TP53BP2: variants seen among roughly 807,000 people sequenced by gnomAD.
The protein encoded by TP53BP2 is tumor protein p53 binding protein 2.
In TP53BP2, 62 loss-of-function variants were observed where a neutral mutation model predicts 126.2. That is an observed-to-expected ratio of 0.49 (90% CI 0.40 to 0.61). The LOEUF (loss-of-function observed/expected upper bound fraction) is 0.61. TP53BP2 is among the 20% of genes least tolerant of loss of function. The pLI, the probability that TP53BP2 is intolerant of heterozygous loss-of-function variation, is 0.00. For synonymous variants in TP53BP2, 485 were observed against 502.9 expected, an observed-to-expected ratio of 0.96 and a Z score of 0.48; for missense variants, 1,215 against 1,402.8, an observed-to-expected ratio of 0.87 and a Z score of 2.14.
chr1:223,813,076 T>C (rs1357337569), intron 3 of TP53BP2, among the ~76,000 whole-genome samples: 1 of 152,178 alleles, frequency 6.6e-6, no homozygotes, highest in African/African-American at 2.4e-5. Context: ...CAGGGATGGC[T>C]GTGTCCCCAG....
At chr1:223,797,706 C>T (rs1662375894) in intron 12 of TP53BP2, among the ~76,000 whole-genome samples, 2 of 151,994 alleles carry the variant, frequency 1.3e-5, no homozygotes, top group Non-Finnish European at 2.9e-5. Context: ...CCACTGCGCC[C>T]AGCCACAGTT....
intron 2 of TP53BP2, among the ~76,000 whole-genome samples, chr1:223,818,502 C>CAAAAAA (rs60296469): frequency 1.1e-5 from 1 of 88,220 alleles, no homozygotes. Flanking sequence ...GACTCCATCT[C>CAAAAAA]AAAAAAAAAA....
intron 16 of TP53BP2, among the ~76,000 whole-genome samples, chr1:223,786,667 C>T (rs1281245410): frequency 2.0e-5 from 3 of 151,204 alleles, no homozygotes; most frequent in Non-Finnish European, 2.9e-5. Context: ...AGTGCAGTGG[C>T]GTGATCTCAG....
At chr1:223,792,859 A>G (rs1457809782) in intron 14 of TP53BP2, among the ~76,000 whole-genome samples, 1 of 133,380 alleles carries the variant, frequency 7.5e-6, no homozygotes, top group Non-Finnish European at 1.6e-5. Flanking sequence ...TTTGCTATGG[A>G]AAGCAAAAAA....
intron 1 of TP53BP2, among the ~76,000 whole-genome samples, chr1:223,832,879 G>C (rs1214274536): frequency 6.6e-6 from 1 of 152,164 alleles, no homozygotes; most frequent in Non-Finnish European, 1.5e-5. Context: ...CACTACCCCA[G>C]CTTGAGCTTG....
At chr1:223,803,534 G>C in intron 6 of TP53BP2, 82 bp from the exon 7 acceptor site, 3 of 1,359,318 alleles carry the variant, frequency 2.2e-6, no homozygotes, top group Non-Finnish European at 2.9e-6. Flanking sequence ...GCTTTACAAT[G>C]AACTTTCTAA....
At chr1:223,793,878 G>C (rs1404553902) in intron 13 of TP53BP2, among the ~76,000 whole-genome samples, 1 of 152,110 alleles carries the variant, frequency 6.6e-6, no homozygotes, top group Admixed American at 6.6e-5. Flanking sequence ...AACTACAACA[G>C]CTAACCTATA....
At chr1:223,801,171 A>G (rs1461305170) in intron 9 of TP53BP2, among the ~76,000 whole-genome samples, 1 of 152,242 alleles carries the variant, frequency 6.6e-6, no homozygotes, top group East Asian at 1.9e-4. Flanking sequence ...GCACAACACA[A>G]AAGTAAATAT....
At chr1:223,811,844 A>G (rs1464245087) in intron 3 of TP53BP2, among the ~76,000 whole-genome samples, 4 of 152,202 alleles carry the variant, frequency 2.6e-5, no homozygotes, top group South Asian at 2.1e-4. Flanking sequence ...GTTTTGTGAC[A>G]ACGTGAAAAC....
chr1:223,844,814 T>C (rs1230371398), intron 1 of TP53BP2, among the ~76,000 whole-genome samples: 3 of 152,220 alleles, frequency 2.0e-5, no homozygotes, highest in Non-Finnish European at 4.4e-5. Flanking sequence ...TCTGAACAAA[T>C]GGAGCCACAA....
chr1:223,814,513 T>G (rs1197298736), intron 2 of TP53BP2, among the ~76,000 whole-genome samples, 160 bp from the exon 3 acceptor site: 1 of 152,190 alleles, frequency 6.6e-6, no homozygotes, highest in East Asian at 1.9e-4. Flanking sequence ...GAAACTGAAG[T>G]CACACAGATT....
At chr1:223,829,659 T>A (rs1175815859) in intron 1 of TP53BP2, among the ~76,000 whole-genome samples, 1 of 151,222 alleles carries the variant, frequency 6.6e-6, no homozygotes, top group East Asian at 1.9e-4. Context: ...TCTCATTGAA[T>A]CAAATTATAA....
At chr1:223,827,976 T>TA (rs887834624) in intron 1 of TP53BP2, among the ~76,000 whole-genome samples, 22 of 152,132 alleles carry the variant, frequency 1.4e-4, no homozygotes, top group African/African-American at 4.6e-4. Context: ...TTCTGTCTAA[T>TA]AAAAAAATGA....
rs368951588 is a variant in TP53BP2 at position 223,803,254 on chromosome 1, A to G, written c.831+17T>C. ...GAAAGGAGGTTGTACAGCTTTTGGC[A>G]AACAGCTACGGTCTACCTGCAGCTC... On this transcript the variant is annotated intron_variant, in intron 7 of 17. Transcript: ENST00000343537. 6.8e-5 allele frequency: 108 copies of G among 1,589,572 alleles called. No individual in the cohort carries two copies. Among genetic ancestry groups the G allele is most frequent in the Middle Eastern group, 4.4e-4 (2 of 4,544 alleles).
At chr1:223,833,845 T>C (rs1456689742) in intron 1 of TP53BP2, among the ~76,000 whole-genome samples, 1 of 152,196 alleles carries the variant, frequency 6.6e-6, no homozygotes, top group Non-Finnish European at 1.5e-5. Context: ...GCTTGCCTTC[T>C]TTAGGGCAGA....
chr1:223,829,048 C>T (rs1346533021), intron 1 of TP53BP2, among the ~76,000 whole-genome samples: 1 of 151,974 alleles, frequency 6.6e-6, no homozygotes, highest in African/African-American at 2.4e-5. Context: ...AATCTCAGGC[C>T]GGGCATGGTG....
intron 14 of TP53BP2, 72 bp downstream of exon 14, chr1:223,793,231 A>G: frequency 8.7e-7 from 1 of 1,152,976 alleles, no homozygotes. Flanking sequence ...AAAATTTACT[A>G]ATTATACTCT....
intron 1 of TP53BP2, among the ~76,000 whole-genome samples, chr1:223,824,044 A>C (rs911369578): frequency 3.9e-5 from 6 of 152,242 alleles, no homozygotes; most frequent in African/African-American, 1.4e-4. Flanking sequence ...TCAGATAAAC[A>C]GCAGGTGTTA....
chr1:223,834,884 T>C (rs548282641), intron 1 of TP53BP2: 44 of 985,060 alleles, frequency 4.5e-5, no homozygotes, highest in East Asian at 2.3e-4. Context: ...ATTCACACTG[T>C]AGTTGTCTGT....
Sources: gnomAD v4.1 joint callset for allele counts (sites outside exome capture counted in the v4.1 genomes callset) on GRCh38, gnomAD v4.1.1 for gene constraint, MANE v1.5 for transcripts, NCBI Gene and HGNC (gene_info 2026-07-23, HGNC 2026-07-21) for gene names.